Variants in TTBK2 observed in about 807,000 individuals in gnomAD.
TTBK2 encodes tau-tubulin kinase 2.
TTBK2 carries 28 observed loss-of-function variants against 110.8 expected under a neutral mutation model. The ratio of observed to expected loss-of-function variants is 0.25; its 90% CI spans 0.19 to 0.35. The LOEUF is 0.35. Ranked by LOEUF, TTBK2 falls within the 10% of genes least tolerant of loss-of-function variation. The pLI is 1.00. For missense variants in TTBK2, 1,369 were observed against 1,500.3 expected, an observed-to-expected ratio of 0.91 and a Z score of 1.45; for synonymous variants, 532 against 527.3, an observed-to-expected ratio of 1.01 and a Z score of -0.12.
chr15:42,879,072 A>T (rs956183696), intron 1 of TTBK2, among the ~76,000 whole-genome samples: 2 of 152,218 alleles, frequency 1.3e-5, no homozygotes, highest in Non-Finnish European at 2.9e-5. Flanking sequence ...CTTAGAGCTT[A>T]ATATCATTAG....
intron 4 of TTBK2, among the ~76,000 whole-genome samples, chr15:42,837,539 A>C (rs974686256): frequency 1.3e-5 from 2 of 151,220 alleles, no homozygotes; most frequent in Non-Finnish European, 2.9e-5. Flanking sequence ...TGTGCCTGTA[A>C]TCCCAACTAC....
chr15:42,856,619 G>T (rs1893954326), intron 3 of TTBK2, among the ~76,000 whole-genome samples: 1 of 152,124 alleles, frequency 6.6e-6, no homozygotes, highest in Admixed American at 6.5e-5. Context: ...ATTAAGAAAA[G>T]AATCACTTTG....
At chr15:42,861,557 C>A (rs1894159079) in intron 3 of TTBK2, among the ~76,000 whole-genome samples, 1 of 151,882 alleles carries the variant, frequency 6.6e-6, no homozygotes, top group South Asian at 2.1e-4. Context: ...AAAATAGAGA[C>A]ACAACTTACC....
chr15:42,812,494 C>T (rs1442489549), intron 7 of TTBK2, among the ~76,000 whole-genome samples: 1 of 151,968 alleles, frequency 6.6e-6, no homozygotes, highest in Non-Finnish European at 1.5e-5. Context: ...GTGATCATGC[C>T]CTGCAGGAAT....
In TTBK2 at chr15:42,777,208, G is replaced by C. The variant is rs1889967914; in HGVS notation, c.1232C>G (p.Ala411Gly). The C allele has an allele frequency of 1.9e-6, 3 of 1,614,164 alleles. No individual in the cohort carries two copies. The African/African-American group carries it at 4.0e-5, about 22-fold the overall frequency. Residue 411 changes from alanine (A) to glycine (G), a missense_variant, in exon 12 of 15, where the codon GCA becomes GGA. This residue lies in a region of TTBK2 where 1,097 missense variants were observed against 1,114.7 expected (regional missense o/e 0.98). Transcript: ENST00000267890. ...GCTTGGAGCATTGAGAAGACCATTT[G>C]CCTGGCCATGGCTGTTCTCCTCTTC... Reference protein sequence around the residue: ...ATEEENSHGQANGLLNAPSLG... With the variant: ...ATEEENSHGQGNGLLNAPSLG...
chr15:42,837,778 C>T (rs891903840), intron 4 of TTBK2, among the ~76,000 whole-genome samples: 2 of 151,188 alleles, frequency 1.3e-5, no homozygotes, highest in African/African-American at 2.4e-5. Flanking sequence ...AGTCTACAGA[C>T]GTTAGTATCT....
chr15:42,791,945 C>A (rs1317307151), intron 10 of TTBK2, among the ~76,000 whole-genome samples: 1 of 152,122 alleles, frequency 6.6e-6, no homozygotes, highest in Admixed American at 6.5e-5. Context: ...ATTTCGAGGC[C>A]AGCCTGCCCA....
chr15:42,818,900 G>A lies in TTBK2; in HGVS notation c.538-1803C>T, dbSNP rs558033634. ...ATTGAGCCACTGCACTCCAGCCTGG[G>A]CGACAGAGCGAGACTCCGTCTCAAA... On this transcript the variant is annotated intron_variant, in intron 6 of 14. Transcript: ENST00000267890. Among the ~76,000 whole-genome samples the A allele has an allele frequency of 6.6e-3, 946 of 142,914 alleles. 11 individuals carry two copies. Among genetic ancestry groups the A allele is most frequent in the Non-Finnish European group, 0.013 (813 of 64,874 alleles). 93.8% of individuals were successfully genotyped at this position (142,914 alleles called of 152,430 possible). A position where few individuals can be genotyped will look rare whatever the true frequency, so the allele number is the denominator to read the frequency against.
At chr15:42,905,344 G>A (rs895134628) in intron 1 of TTBK2, among the ~76,000 whole-genome samples, 14 of 152,146 alleles carry the variant, frequency 9.2e-5, no homozygotes, top group African/African-American at 3.4e-4. Flanking sequence ...CATAATCCCA[G>A]CTCATTGCAG....
At chr15:42,791,114 G>T (rs1251103305) in intron 10 of TTBK2, among the ~76,000 whole-genome samples, 1 of 151,972 alleles carries the variant, frequency 6.6e-6, no homozygotes, top group Non-Finnish European at 1.5e-5. Context: ...GTCTCGATCT[G>T]ACCTCATGAT....
chr15:42,918,060 G>A (rs1238052442), intron 1 of TTBK2, among the ~76,000 whole-genome samples: 1 of 144,674 alleles, frequency 6.9e-6, no homozygotes, highest in African/African-American at 2.7e-5. Context: ...CCTTGTCATA[G>A]ATTTGTATTT....
rs545252441 is a variant in TTBK2 at position 42,880,057 on chromosome 15, C to G, written c.-67-1373G>C. 2.6e-5 allele frequency among the ~76,000 whole-genome samples: 4 copies of G among 151,404 alleles called. No individual in the cohort carries two copies. In the South Asian group the frequency reaches 8.4e-4, roughly 32 times the overall value. On this transcript the variant is annotated intron_variant, in intron 1 of 14. Transcript: ENST00000267890. Reference sequence around the variant, plus strand: ...GGATGGAAGGGATAAGAAAGAAAGCCAGACTTCTGTGAATGCATCTCGTGG... The same window carrying G: ...GGATGGAAGGGATAAGAAAGAAAGCGAGACTTCTGTGAATGCATCTCGTGG...
chr15:42,897,152 C>CTTTGGG (rs1895699088), intron 1 of TTBK2, among the ~76,000 whole-genome samples: 1 of 152,092 alleles, frequency 6.6e-6, no homozygotes. Flanking sequence ...GCTGGGATTA[C>CTTTGGG]AGGTGTGAGC....
At chr15:42,800,687 T>C (rs1891144591) in intron 9 of TTBK2, among the ~76,000 whole-genome samples, 2 of 151,252 alleles carry the variant, frequency 1.3e-5, no homozygotes, top group African/African-American at 4.9e-5. Flanking sequence ...ACTTCAGTGA[T>C]AAGTAGATGC....
chr15:42,852,712 T>A (rs1006206842), intron 3 of TTBK2, among the ~76,000 whole-genome samples: 4 of 152,204 alleles, frequency 2.6e-5, no homozygotes, highest in Admixed American at 6.5e-5. Flanking sequence ...AGCCTACAGA[T>A]AATGTTACAT....
chr15:42,777,079 C>G lies in TTBK2; in HGVS notation c.1361G>C (p.Arg454Pro). The change falls in exon 12 of 15, where the codon CGT (arginine) becomes CCT (proline). Residue 454 changes from arginine to proline, a missense_variant. This residue lies in a region of TTBK2 where 1,097 missense variants were observed against 1,114.7 expected (regional missense o/e 0.98). Coordinates refer to ENST00000267890, the MANE Select transcript of TTBK2 (RefSeq NM_173500.4). ...GTCTGGCTTTGGCTCCAGGGTCAGA[C>G]GTTTTTCCAGCTCAAAGCTGTGAAT... ...RSIHSFELEK[R>P]LTLEPKPDTD... The G allele has an allele frequency of 6.2e-7, 1 of 1,614,178 alleles. No homozygotes were observed. Among genetic ancestry groups the G allele is most frequent in the Non-Finnish European group, 8.5e-7 (1 of 1,180,030 alleles).
At chr15:42,836,980 C>A (rs1043988873) in intron 4 of TTBK2, among the ~76,000 whole-genome samples, 1 of 152,080 alleles carries the variant, frequency 6.6e-6, no homozygotes, top group Non-Finnish European at 1.5e-5. Flanking sequence ...GATGATAAAT[C>A]CAGATGAAAA....
chr15:42,816,945 TAAAATAATA>T, intron 7 of TTBK2, 78 bp downstream of exon 7: 7 of 462,892 alleles, frequency 1.5e-5, no homozygotes, highest in South Asian at 7.1e-5. Context: ...TATATATATA[TAAAATAATA>T]ATAAAATAAA....
intron 9 of TTBK2, among the ~76,000 whole-genome samples, chr15:42,806,586 T>C (rs1891478389): frequency 6.6e-6 from 1 of 152,208 alleles, no homozygotes; most frequent in African/African-American, 2.4e-5. Context: ...TGTCTGACCA[T>C]ACTTGTCTTC....
Sources: allele counts gnomAD v4.1 joint callset (sites outside exome capture counted in the v4.1 genomes callset), GRCh38; gene constraint gnomAD v4.1.1; regional missense constraint gnomAD v4.1.1; transcripts MANE v1.5; gene names NCBI Gene and HGNC (gene_info 2026-07-23, HGNC 2026-07-21).